KIZ: variants seen among roughly 807,000 people sequenced by gnomAD.
KIZ encodes centrosomal protein kizuna.
KIZ carries 68 observed loss-of-function variants against 79.6 expected under a neutral mutation model. That is an observed-to-expected ratio of 0.85 (90% CI 0.70 to 1.05). KIZ has a LOEUF of 1.05. Ranked by LOEUF, KIZ falls within the 50% of genes least tolerant of loss-of-function variation. The probability of loss-of-function intolerance (pLI) is 0.00; values close to 1 mark genes in which losing one functional copy is unlikely to be tolerated. For synonymous variants in KIZ, 280 were observed against 281.8 expected, an observed-to-expected ratio of 0.99 and a Z score of 0.06; for missense variants, 797 against 800.4, an observed-to-expected ratio of 1.00 and a Z score of 0.05.
intron 9 of KIZ, among the ~76,000 whole-genome samples, chr20:21,219,437 C>T (rs2036428005): frequency 6.6e-6 from 1 of 152,066 alleles, no homozygotes; most frequent in Non-Finnish European, 1.5e-5. Context: ...CCTTCCTCAG[C>T]CTCCCAAGTA....
intron 6 of KIZ, among the ~76,000 whole-genome samples, chr20:21,179,089 A>C (rs1240811895): frequency 6.6e-6 from 1 of 151,968 alleles, no homozygotes; most frequent in African/African-American, 2.4e-5. Flanking sequence ...CTAATAAAAT[A>C]AGTTTGGAAG....
intron 3 of KIZ, among the ~76,000 whole-genome samples, chr20:21,142,321 T>G (rs2032599244): frequency 6.6e-6 from 1 of 152,118 alleles, no homozygotes. Context: ...CACTTCACTG[T>G]GAGCTCCTTG....
At chr20:21,229,181 G>C (rs557487070) in intron 10 of KIZ, 66 bp downstream of exon 10, 3 of 898,690 alleles carry the variant, frequency 3.3e-6, no homozygotes, top group Non-Finnish European at 5.4e-6. Context: ...TTCGGGGAAG[G>C]GTGGTTATTC....
At chr20:21,163,538 T>A (rs1484700190) in intron 6 of KIZ, among the ~76,000 whole-genome samples, 3 of 152,226 alleles carry the variant, frequency 2.0e-5, no homozygotes, top group Admixed American at 6.5e-5. Context: ...ACAGTTAAAC[T>A]TACTAGGAAT....
At chr20:21,141,378 G>T (rs1257267091) in intron 3 of KIZ, among the ~76,000 whole-genome samples, 9 of 152,180 alleles carry the variant, frequency 5.9e-5, no homozygotes. Context: ...GGAACTTCTG[G>T]TAAGTGGTTT....
intron 3 of KIZ, chr20:21,144,261 G>T (rs2032728937): frequency 6.6e-6 from 1 of 152,114 alleles, no homozygotes. Context: ...AAGAGCGTAA[G>T]AAAACATTTG....
intron 6 of KIZ, chr20:21,166,336 T>C (rs1321417438): frequency 6.2e-7 from 1 of 1,605,120 alleles, no homozygotes; most frequent in Non-Finnish European, 8.5e-7. Context: ...TTCTGCCATT[T>C]TTCCAGGTCT....
intron 6 of KIZ, among the ~76,000 whole-genome samples, chr20:21,181,798 G>GA (rs1403635914): frequency 6.6e-6 from 1 of 152,088 alleles, no homozygotes; most frequent in Non-Finnish European, 1.5e-5. Flanking sequence ...TGGCATTGTT[G>GA]AACATTCAGC....
chr20:21,150,323 G>A (rs1568922483), intron 4 of KIZ, among the ~76,000 whole-genome samples: 2 of 152,194 alleles, frequency 1.3e-5, no homozygotes, highest in African/African-American at 4.8e-5. Flanking sequence ...GGAGGTAGAG[G>A]TTATTCCTTT....
At chr20:21,128,863 T>G (rs2031656587) in intron 1 of KIZ, among the ~76,000 whole-genome samples, 1 of 152,110 alleles carries the variant, frequency 6.6e-6, no homozygotes, top group Non-Finnish European at 1.5e-5. Context: ...ATTAGTAGAG[T>G]AAGCTGAAGA....
At chr20:21,215,862 C>T (rs2036267022) in intron 9 of KIZ, among the ~76,000 whole-genome samples, 1 of 152,156 alleles carries the variant, frequency 6.6e-6, no homozygotes, top group Non-Finnish European at 1.5e-5. Flanking sequence ...AATTCTTCAT[C>T]ACCATGTTAT....
At chr20:21,173,761 A>G (rs941928775) in intron 6 of KIZ, among the ~76,000 whole-genome samples, 1 of 152,096 alleles carries the variant, frequency 6.6e-6, no homozygotes, top group Non-Finnish European at 1.5e-5. Context: ...AGTTTTGGGT[A>G]TGTTAGATTT....
chr20:21,132,255 T>C, intron 2 of KIZ, 96 bp downstream of exon 2: 1 of 648,156 alleles, frequency 1.5e-6, no homozygotes. Flanking sequence ...GTAGTTAGAG[T>C]ACTGGGTTTT....
chr20:21,199,260 A>G (rs572205160), intron 6 of KIZ, among the ~76,000 whole-genome samples: 60 of 152,356 alleles, frequency 3.9e-4, no homozygotes, highest in African/African-American at 1.4e-3. Context: ...TGTGTTTTAC[A>G]TGACTATTGA....
chr20:21,211,561 G>C (rs931614730), intron 7 of KIZ, among the ~76,000 whole-genome samples: 2 of 152,190 alleles, frequency 1.3e-5, no homozygotes, highest in Non-Finnish European at 2.9e-5. Context: ...TAAAATTGTT[G>C]TCTAATGGCA....
At chr20:21,198,085 CAG>C (rs1310177759) in intron 6 of KIZ, 2 of 152,182 alleles carry the variant, frequency 1.3e-5, no homozygotes, top group African/African-American at 2.4e-5. Flanking sequence ...TATTTTGAGA[CAG>C]AGTCTTGCTC....
At position 21,132,149 on chromosome 20, in the gene KIZ, G is replaced by C. The variant is rs372330535; in HGVS notation, c.142G>C (p.Asp48His). ...EKKLYEYNQS[D>H]TCRVKLKYVK... ...GAAACTTTATGAATATAATCAGTCT[G>C]ATACATGCAGGTAAGAGACGACAGT... Residue 48 changes from aspartate (D) to histidine (H), a missense_variant, in exon 2 of 13, where the codon GAT becomes CAT. Coordinates refer to ENST00000619189, the MANE Select transcript of KIZ (RefSeq NM_018474.6). 241 of 1,464,400 alleles carry C rather than the reference G, an allele frequency of 1.6e-4. 4 individuals carry two copies. The South Asian group carries it at 2.9e-3, about 18-fold the overall frequency. The allele number at this position is 1,464,400 out of a possible 1,614,324, so 90.7% of individuals were successfully genotyped here.
chr20:21,219,173 C>G (rs527912887), intron 9 of KIZ, among the ~76,000 whole-genome samples: 2 of 71,914 alleles, frequency 2.8e-5, no homozygotes, highest in African/African-American at 1.0e-4. Context: ...GAGGAGCTGC[C>G]ATATACCAGG....
At chr20:21,128,808 A>C (rs1177927852) in intron 1 of KIZ, among the ~76,000 whole-genome samples, 5 of 152,220 alleles carry the variant, frequency 3.3e-5, no homozygotes, top group Admixed American at 6.5e-5. Context: ...GCCTATATTG[A>C]TTCAGAGTAA....
Sources: gnomAD v4.1 joint callset for allele counts (sites outside exome capture counted in the v4.1 genomes callset) on GRCh38, gnomAD v4.1.1 for gene constraint, MANE v1.5 for transcripts, NCBI Gene and HGNC (gene_info 2026-07-23, HGNC 2026-07-21) for gene names.